Variants in ENTREP2 observed in about 807,000 individuals in gnomAD.
ENTREP2 encodes the protein protein ENTREP2.
At chr15:29,124,570 A>C in the ENTREP2 span, 3 of 813,194 alleles carry the variant, frequency 3.7e-6, no homozygotes, top group South Asian at 3.4e-5. Flanking sequence ...GGCAGCCCCC[A>C]TTCCCGGGGG....
the ENTREP2 span, among the ~76,000 whole-genome samples, chr15:29,511,339 CTTTTCT>C: frequency 4.3e-5 from 4 of 93,466 alleles, no homozygotes; most frequent in Admixed American, 1.0e-4. Context: ...CTTCTTTTTT[CTTTTCT>C]TTTTTTTTTT....
the ENTREP2 span, among the ~76,000 whole-genome samples, chr15:29,454,662 C>T: frequency 3.0e-4 from 45 of 152,250 alleles, no homozygotes; most frequent in African/African-American, 1.0e-3. Context: ...CACATGTGAT[C>T]CCTGCAGGTC....
At chr15:29,387,443 C>A in the ENTREP2 span, among the ~76,000 whole-genome samples, 1 of 152,156 alleles carries the variant, frequency 6.6e-6, no homozygotes, top group Admixed American at 6.5e-5. Context: ...AGGACAACTA[C>A]AAACCACTGC....
the ENTREP2 span, among the ~76,000 whole-genome samples, chr15:29,537,188 G>A: frequency 2.0e-5 from 3 of 152,004 alleles, no homozygotes; most frequent in African/African-American, 7.3e-5. Flanking sequence ...AAGGCAACTC[G>A]ATCAACTGGT....
chr15:29,641,076 C>T, the ENTREP2 span, among the ~76,000 whole-genome samples: 1 of 152,136 alleles, frequency 6.6e-6, no homozygotes, highest in Non-Finnish European at 1.5e-5. Context: ...AAAAAACACA[C>T]AACAATCTTA....
the ENTREP2 span, among the ~76,000 whole-genome samples, chr15:29,545,081 A>C: frequency 6.6e-6 from 1 of 152,178 alleles, no homozygotes; most frequent in Non-Finnish European, 1.5e-5. Flanking sequence ...TTAAGTAAAA[A>C]CTGCCAAATC....
chr15:29,217,955 ATC>A, the ENTREP2 span, among the ~76,000 whole-genome samples: 1 of 151,820 alleles, frequency 6.6e-6, no homozygotes, highest in East Asian at 1.9e-4. Context: ...TGGTGTGGTA[ATC>A]TCCCTCTTTG....
At chr15:29,492,655 A>G in the ENTREP2 span, among the ~76,000 whole-genome samples, 1 of 152,206 alleles carries the variant, frequency 6.6e-6, no homozygotes, top group Non-Finnish European at 1.5e-5. Flanking sequence ...ATAAAAGGCA[A>G]TTACTATTTT....
the ENTREP2 span, among the ~76,000 whole-genome samples, chr15:29,550,013 C>G: frequency 1.3e-5 from 2 of 152,314 alleles, no homozygotes; most frequent in Middle Eastern, 3.4e-3. Context: ...ACAAGGACAG[C>G]AGAGACCACA....
chr15:29,650,629 A>T, the ENTREP2 span, among the ~76,000 whole-genome samples: 1 of 151,976 alleles, frequency 6.6e-6, no homozygotes, highest in East Asian at 1.9e-4. Context: ...AATTCTTGTT[A>T]CCCTTACTCT....
the ENTREP2 span, among the ~76,000 whole-genome samples, chr15:29,285,996 T>C: frequency 2.6e-5 from 4 of 152,244 alleles, no homozygotes; most frequent in South Asian, 6.2e-4. Context: ...TCAGCATTTA[T>C]TCATGATTTT....
the ENTREP2 span, among the ~76,000 whole-genome samples, chr15:29,232,833 G>A: frequency 3.3e-5 from 5 of 152,152 alleles, no homozygotes; most frequent in African/African-American, 4.8e-5. Context: ...AATAGAGGAA[G>A]TGAATATCAT....
chr15:29,247,249 G>A, the ENTREP2 span, among the ~76,000 whole-genome samples: 1 of 152,150 alleles, frequency 6.6e-6, no homozygotes, highest in African/African-American at 2.4e-5. Context: ...TGTATGTTCT[G>A]GAATGGAAAG....
chr15:29,236,151 A>G, the ENTREP2 span, among the ~76,000 whole-genome samples: 1 of 152,228 alleles, frequency 6.6e-6, no homozygotes, highest in Admixed American at 6.5e-5. Flanking sequence ...CTAGAAAACA[A>G]AAATTATCAA....
chr15:29,412,879 T>C, the ENTREP2 span, among the ~76,000 whole-genome samples: 1 of 152,016 alleles, frequency 6.6e-6, no homozygotes, highest in South Asian at 2.1e-4. Context: ...GTAAATCTGA[T>C]CACTTCATTC....
chr15:29,287,047 C>G, the ENTREP2 span, among the ~76,000 whole-genome samples: 1 of 152,174 alleles, frequency 6.6e-6, no homozygotes, highest in Non-Finnish European at 1.5e-5. Context: ...TGGCACCAGC[C>G]CATTCACCAG....
At chr15:29,641,792 A>C in the ENTREP2 span, among the ~76,000 whole-genome samples, 18 of 150,772 alleles carry the variant, frequency 1.2e-4, no homozygotes, top group Non-Finnish European at 2.9e-5. Context: ...AGATTGCGCC[A>C]CTGCACTCCA....
the ENTREP2 span, among the ~76,000 whole-genome samples, chr15:29,488,680 G>C: frequency 6.6e-6 from 1 of 152,162 alleles, no homozygotes; most frequent in Non-Finnish European, 1.5e-5. Context: ...CGAGAGAGGA[G>C]CCACTGATTC....
the ENTREP2 span, among the ~76,000 whole-genome samples, chr15:29,253,745 T>C: frequency 6.6e-6 from 1 of 152,004 alleles, no homozygotes; most frequent in African/African-American, 2.4e-5. Flanking sequence ...CCGGCCAATA[T>C]TGTCTCTCTT....
Sources: allele counts gnomAD v4.1 joint callset (sites outside exome capture counted in the v4.1 genomes callset), GRCh38; gene constraint gnomAD v4.1.1; transcripts MANE v1.5; gene names NCBI Gene and HGNC (gene_info 2026-07-23, HGNC 2026-07-21).